Variants in PARD3 observed in about 807,000 individuals in gnomAD.
PARD3 encodes partitioning defective 3 homolog.
Under a neutral mutation model 155.4 loss-of-function variants are expected in PARD3, and 75 were observed. That is an observed-to-expected ratio of 0.48 (90% confidence interval 0.40 to 0.58). The LOEUF (loss-of-function observed/expected upper bound fraction) is 0.58, where lower values mean the gene tolerates loss of function less well. Among genes scored for constraint, PARD3 ranks in the 20% least tolerant of loss-of-function variants. The probability of loss-of-function intolerance (pLI) is 0.00; values close to 1 mark genes in which losing one functional copy is unlikely to be tolerated. For synonymous variants in PARD3, 576 were observed against 610.5 expected (o/e 0.94, Z 0.83); for missense variants, 1,642 against 1,721.7 (o/e 0.95, Z 0.82).
rs371652418 is a variant in PARD3 at position 34,646,513 on chromosome 10, G to A, written c.222+49805C>T. Among the ~76,000 whole-genome samples the A allele has an allele frequency of 7.2e-5, 11 of 152,250 alleles. No individual in the cohort carries two copies. The East Asian group carries it at 1.5e-3, about 21-fold the overall frequency. ...GATTAATATCACTTCATACCTCAGA[G>A]AGCATAATAGTAATAAGGTAATAAA... On this transcript the variant is annotated intron_variant, in intron 2 of 24. Coordinates refer to ENST00000374788, the MANE Select transcript of PARD3 (RefSeq NM_001184785.2).
chr10:34,393,397 T>C (rs1589415556), intron 7 of PARD3, among the ~76,000 whole-genome samples: 1 of 151,046 alleles, frequency 6.6e-6, no homozygotes, highest in Non-Finnish European at 1.5e-5. Context: ...CTGGGCAACA[T>C]TGGGAAACCT....
intron 2 of PARD3, among the ~76,000 whole-genome samples, chr10:34,603,739 A>C (rs1357985286): frequency 6.6e-6 from 1 of 152,200 alleles, no homozygotes; most frequent in African/African-American, 2.4e-5. Flanking sequence ...ATGAGCACAG[A>C]ATGAAAACAG....
intron 2 of PARD3, among the ~76,000 whole-genome samples, chr10:34,695,751 A>T (rs995000132): frequency 6.6e-6 from 1 of 152,118 alleles, no homozygotes; most frequent in Non-Finnish European, 1.5e-5. Flanking sequence ...GCTTCCTGAG[A>T]TCCAGGCCCT....
chr10:34,763,550 A>C (rs1837722655), intron 1 of PARD3, among the ~76,000 whole-genome samples: 1 of 152,212 alleles, frequency 6.6e-6, no homozygotes, highest in African/African-American at 2.4e-5. Flanking sequence ...ATGTTGAGTC[A>C]TATGGGGCTG....
intron 22 of PARD3, among the ~76,000 whole-genome samples, chr10:34,214,964 G>C (rs917693617): frequency 2.0e-5 from 3 of 152,234 alleles, no homozygotes; most frequent in Admixed American, 2.0e-4. Flanking sequence ...TTTTGTTAAG[G>C]GTTGTCAGAT....
chr10:34,452,733 A>G (rs2077125903), intron 4 of PARD3, among the ~76,000 whole-genome samples: 5 of 152,210 alleles, frequency 3.3e-5, no homozygotes, highest in Admixed American at 3.3e-4. Context: ...TTTAAGCACA[A>G]GTCACGAAAA....
At chr10:34,296,679 C>T (rs1279542275) in intron 20 of PARD3, among the ~76,000 whole-genome samples, 1 of 152,130 alleles carries the variant, frequency 6.6e-6, no homozygotes, top group East Asian at 1.9e-4. Context: ...GATTATTTCT[C>T]AATACAGAGT....
intron 1 of PARD3, among the ~76,000 whole-genome samples, chr10:34,703,138 C>A (rs1008247644): frequency 6.6e-6 from 1 of 151,944 alleles, no homozygotes; most frequent in African/African-American, 2.4e-5. Context: ...AATCCCAGCA[C>A]TTTGGAGGCC....
intron 3 of PARD3, among the ~76,000 whole-genome samples, chr10:34,472,664 C>T (rs1012305062): frequency 6.6e-6 from 1 of 152,176 alleles, no homozygotes; most frequent in Non-Finnish European, 1.5e-5. Flanking sequence ...TGTAAGTCTA[C>T]AAGAGGCACT....
chr10:34,463,084 G>A (rs2077768272), intron 4 of PARD3, among the ~76,000 whole-genome samples: 1 of 114,486 alleles, frequency 8.7e-6, no homozygotes, highest in Non-Finnish European at 1.8e-5. Flanking sequence ...GAAAGGGAAG[G>A]GAAGAGGAAA....
At chr10:34,195,366 C>T (rs1006302368) in intron 22 of PARD3, among the ~76,000 whole-genome samples, 1 of 152,160 alleles carries the variant, frequency 6.6e-6, no homozygotes, top group Non-Finnish European at 1.5e-5. Flanking sequence ...GCACTTAGAA[C>T]TGGCATTCTG....
intron 22 of PARD3, among the ~76,000 whole-genome samples, chr10:34,247,831 G>A (rs11009693): frequency 0.055 from 8,384 of 152,126 alleles, 697 homozygotes; most frequent in African/African-American, 0.18. Context: ...GGAAAAGTAC[G>A]GTCATCTTCC....
chr10:34,485,109 A>G (rs1209820781), intron 3 of PARD3, among the ~76,000 whole-genome samples: 1 of 152,174 alleles, frequency 6.6e-6, no homozygotes, highest in Admixed American at 6.5e-5. Flanking sequence ...AGGCCAAGGC[A>G]GGCAGATCAC....
chr10:34,258,947 T>C (rs889213064), intron 22 of PARD3, among the ~76,000 whole-genome samples: 2 of 151,998 alleles, frequency 1.3e-5, no homozygotes, highest in Non-Finnish European at 2.9e-5. Flanking sequence ...CACCTACCTG[T>C]AGTCCCAGCT....
chr10:34,695,569 C>T (rs1233375648), intron 2 of PARD3, among the ~76,000 whole-genome samples: 2 of 152,140 alleles, frequency 1.3e-5, no homozygotes, highest in Admixed American at 6.6e-5. Context: ...TTCCTCCTCC[C>T]CCTCCTCTTC....
chr10:34,404,656 TA>T (rs1446545823), intron 5 of PARD3, among the ~76,000 whole-genome samples: 1 of 152,122 alleles, frequency 6.6e-6, no homozygotes, highest in East Asian at 1.9e-4. Flanking sequence ...GTACAGACAT[TA>T]AGAGCTTGGG....
rs74134128 is a variant in PARD3 at position 34,413,595 on chromosome 10, G to A, written c.715-11678C>T. Among the ~76,000 whole-genome samples the A allele has an allele frequency of 7.9e-5, 12 of 152,096 alleles. No individual in the cohort carries two copies. In the South Asian group the frequency reaches 8.3e-4, roughly 11 times the overall value. On this transcript the variant is annotated intron_variant, in intron 5 of 24. Coordinates refer to ENST00000374788, the MANE Select transcript of PARD3 (RefSeq NM_001184785.2). ...ATTCTTCTTTATCTCTAAGGGTCCC[G>A]AGTTACCTGCCTCACAGGTCTCTAT... is the stretch of plus-strand genomic sequence containing the variant.
chr10:34,204,975 G>A (rs542976213), intron 22 of PARD3, among the ~76,000 whole-genome samples: 2 of 152,268 alleles, frequency 1.3e-5, no homozygotes, highest in East Asian at 3.9e-4. Flanking sequence ...ACAGTCAACC[G>A]TAATTAAGCC....
intron 9 of PARD3, among the ~76,000 whole-genome samples, chr10:34,380,901 T>A (rs1841755275): frequency 6.6e-6 from 1 of 152,154 alleles, no homozygotes; most frequent in Non-Finnish European, 1.5e-5. Flanking sequence ...TCTTGATATG[T>A]TTTTGGTTAA....
Sources: gnomAD v4.1 joint callset for allele counts (sites outside exome capture counted in the v4.1 genomes callset) on GRCh38, gnomAD v4.1.1 for gene constraint, MANE v1.5 for transcripts, NCBI Gene and HGNC (gene_info 2026-07-23, HGNC 2026-07-21) for gene names.